Variants in DMD observed in about 807,000 individuals in gnomAD.
DMD encodes the protein dystrophin, also known as mutant dystrophin.
A neutral mutation model predicts 330.1 loss-of-function variants in DMD; 63 were observed. The observed-to-expected ratio is 0.19, with a 90% CI of 0.16 to 0.24. The LOEUF (loss-of-function observed/expected upper bound fraction) is 0.24, where lower values mean the gene tolerates loss of function less well. Ranked by LOEUF, DMD falls within the 10% of genes least tolerant of loss-of-function variation. The probability of loss-of-function intolerance (pLI) is 1.00; values close to 1 mark genes in which losing one functional copy is unlikely to be tolerated. For missense variants in DMD, 3,344 were observed against 2,684.1 expected (o/e 1.25, Z -5.43); for synonymous variants, 1,223 against 959.8 (o/e 1.27, Z -5.07).
chrX:31,808,569 T>C (rs781424160), intron 50 of DMD, among the ~76,000 whole-genome samples: 152 of 112,158 alleles, frequency 1.4e-3, no homozygotes, highest in African/African-American at 4.8e-3. Context: ...TCAAGCTGTA[T>C]GCAGGCAGCA....
At chrX:32,962,682 C>A (rs1169142048) in intron 2 of DMD, among the ~76,000 whole-genome samples, 1 of 111,778 alleles carries the variant, frequency 8.9e-6, no homozygotes, top group Non-Finnish European at 1.9e-5. Flanking sequence ...TTTATTAAAA[C>A]AAAATATGTC....
intron 34 of DMD, among the ~76,000 whole-genome samples, chrX:32,377,530 T>A (rs2097908533): frequency 8.9e-6 from 1 of 111,908 alleles, no homozygotes; most frequent in African/African-American, 3.2e-5. Context: ...TGAAGCCTTC[T>A]AGTACTATGA....
At chrX:31,856,644 T>C (rs1025165978) in intron 48 of DMD, among the ~76,000 whole-genome samples, 1 of 112,372 alleles carries the variant, frequency 8.9e-6, no homozygotes, top group African/African-American at 3.2e-5. Context: ...AATTGGACTT[T>C]AGTTACAATG....
At chrX:32,771,465 TCTC>T (rs2073588826) in intron 7 of DMD, among the ~76,000 whole-genome samples, 2 of 109,560 alleles carry the variant, frequency 1.8e-5, no homozygotes, top group African/African-American at 6.8e-5. Context: ...ATAAATGTCA[TCTC>T]ATCATTGACA....
intron 4 of DMD, among the ~76,000 whole-genome samples, chrX:32,833,692 TA>T (rs5902041): frequency 0.26 from 21,414 of 80,881 alleles, 2,229 homozygotes; most frequent in East Asian, 0.57. Context: ...TAATTTCAAG[TA>T]AAAAAAAAAA....
chrX:31,605,017 A>G (rs1229642835), intron 55 of DMD, among the ~76,000 whole-genome samples: 1 of 112,088 alleles, frequency 8.9e-6, no homozygotes, highest in Non-Finnish European at 1.9e-5. Context: ...CAGTCAAGAA[A>G]TGTTATACAG....
intron 60 of DMD, among the ~76,000 whole-genome samples, chrX:31,378,966 C>G (rs1266532834): frequency 2.7e-5 from 3 of 111,005 alleles, no homozygotes; most frequent in Admixed American, 9.6e-5. Flanking sequence ...CCTACAAGCT[C>G]TAAATAATTC....
intron 55 of DMD, among the ~76,000 whole-genome samples, chrX:31,608,758 A>T (rs908354986): frequency 6.3e-5 from 7 of 110,928 alleles, no homozygotes; most frequent in Non-Finnish European, 1.1e-4. Context: ...TAGATCTCTT[A>T]AGGCCTAGGC....
chrX:31,676,140 T>C (rs1436573161), intron 53 of DMD, among the ~76,000 whole-genome samples: 2 of 112,346 alleles, frequency 1.8e-5, no homozygotes, highest in African/African-American at 6.5e-5. Flanking sequence ...CATAGCTTTG[T>C]GATTGCCTTG....
At chrX:31,401,323 C>T (rs146747851) in intron 60 of DMD, among the ~76,000 whole-genome samples, 53 of 111,208 alleles carry the variant, frequency 4.8e-4, no homozygotes, top group African/African-American at 1.7e-3. Flanking sequence ...TGCTTGATGT[C>T]GTTAGAAATA....
chrX:32,527,630 T>G (rs1169054460), intron 17 of DMD, among the ~76,000 whole-genome samples: 1 of 111,009 alleles, frequency 9.0e-6, no homozygotes. Flanking sequence ...TCAATTTGCA[T>G]CAAATAGATC....
In DMD at chrX:32,763,539, C is replaced by T. The variant is rs773769538; in HGVS notation, c.649+45954G>A. Among the ~76,000 whole-genome samples the T allele has an allele frequency of 2.7e-5, 3 of 111,424 alleles. No individual in the cohort carries two copies. In the Admixed American group the frequency reaches 2.9e-4, roughly 11 times the overall value. On this transcript the variant is annotated intron_variant, in intron 7 of 78. Coordinates refer to ENST00000357033, the MANE Select transcript of DMD (RefSeq NM_004006.3). ...ATGAGAAATTACTACTAGACTAATA[C>T]TTGTCAGTACAGTAACAACTCATCA...
rs759122828 is a variant in DMD, at chrX:32,524,055, C to A, written c.2169-5924G>T. ...TCACGCCATTCTCCTGCCTCAGCCT[C>A]CCGAGTAGCTGGGACCACAGGCGCC... On this transcript the variant is annotated intron_variant, in intron 17 of 78. Coordinates refer to ENST00000357033, the MANE Select transcript of DMD (RefSeq NM_004006.3). Among the ~76,000 whole-genome samples, 4 of 108,489 alleles carry A rather than the reference C, an allele frequency of 3.7e-5. No individual in the cohort carries two copies. The East Asian group carries it at 1.2e-3, about 32-fold the overall frequency. 94.2% of individuals were successfully genotyped at this position (108,489 alleles called of 115,157 possible).
intron 62 of DMD, among the ~76,000 whole-genome samples, chrX:31,322,696 A>G (rs958153349): frequency 2.7e-5 from 3 of 112,089 alleles, no homozygotes; most frequent in Non-Finnish European, 5.6e-5. Context: ...ATTAAGAAGA[A>G]TTGATGGACA....
At chrX:32,320,258 T>A (rs1569557636) in intron 41 of DMD, among the ~76,000 whole-genome samples, 1 of 111,339 alleles carries the variant, frequency 9.0e-6, no homozygotes, top group Non-Finnish European at 1.9e-5. Context: ...GGCAACTCAG[T>A]ATCTATGTCT....
intron 2 of DMD, among the ~76,000 whole-genome samples, chrX:32,993,016 C>T (rs1463355866): frequency 9.1e-6 from 1 of 110,467 alleles, no homozygotes; most frequent in Non-Finnish European, 1.9e-5. Context: ...ATTAGACCAA[C>T]GCATTGTAGT....
chrX:31,270,179 C>A (rs1295725399), intron 62 of DMD, among the ~76,000 whole-genome samples: 1 of 87,626 alleles, frequency 1.1e-5, no homozygotes, highest in Non-Finnish European at 2.3e-5. Context: ...CAAAAGTTTA[C>A]CATTCCTTGT....
At chrX:31,878,471 G>A (rs1312258921) in intron 47 of DMD, among the ~76,000 whole-genome samples, 1 of 111,807 alleles carries the variant, frequency 8.9e-6, no homozygotes, top group Non-Finnish European at 1.9e-5. Flanking sequence ...AATGTAAATT[G>A]TATCCTCAAG....
At chrX:31,965,646 G>A in intron 45 of DMD, among the ~76,000 whole-genome samples, 1 of 111,588 alleles carries the variant, frequency 9.0e-6, no homozygotes, top group Non-Finnish European at 1.9e-5. Context: ...TTGTACACAG[G>A]CTTGCTTTGT....
Sources: allele counts gnomAD v4.1 joint callset (sites outside exome capture counted in the v4.1 genomes callset), GRCh38; gene constraint gnomAD v4.1.1; transcripts MANE v1.5; gene names NCBI Gene and HGNC (gene_info 2026-07-23, HGNC 2026-07-21).